ALG5: variants seen among roughly 807,000 people sequenced by gnomAD.
ALG5 encodes the protein dolichyl-phosphate beta-glucosyltransferase.
In ALG5, 26 loss-of-function variants were observed where a neutral mutation model predicts 51.8. The ratio of observed to expected loss-of-function variants is 0.50; its 90% CI spans 0.37 to 0.70. The LOEUF (loss-of-function observed/expected upper bound fraction) is 0.70, where lower values mean the gene tolerates loss of function less well. Ranked by LOEUF, ALG5 falls within the 30% of genes least tolerant of loss-of-function variation. The pLI is 0.00. For synonymous variants in ALG5, 141 were observed against 136.1 expected (o/e 1.04, Z -0.25); for missense variants, 311 against 399.3 (o/e 0.78, Z 1.88).
chr13:36,962,410 C>T (rs2058871690), intron 8 of ALG5, among the ~76,000 whole-genome samples: 1 of 152,110 alleles, frequency 6.6e-6, no homozygotes, highest in South Asian at 2.1e-4. Context: ...CCTTTAGAGG[C>T]ACCAAATAAA....
chr13:36,972,146 A>G, intron 6 of ALG5, 110 bp from the exon 7 acceptor site: 3 of 875,070 alleles, frequency 3.4e-6, no homozygotes. Flanking sequence ...AAAAGTTGAC[A>G]TTAAAAATCT....
intron 5 of ALG5, 63 bp from the exon 6 acceptor site, chr13:36,985,803 T>G: frequency 9.4e-7 from 1 of 1,063,010 alleles, no homozygotes. Flanking sequence ...TCAATGACAC[T>G]TCAGTCTGTT....
intron 1 of ALG5, among the ~76,000 whole-genome samples, chr13:36,998,469 T>G (rs1159174218): frequency 6.6e-6 from 1 of 152,182 alleles, no homozygotes; most frequent in African/African-American, 2.4e-5. Flanking sequence ...CTCCACTTAC[T>G]AACTAGAGGG....
chr13:36,955,995 C>A (rs1161555042), intron 8 of ALG5, among the ~76,000 whole-genome samples: 1 of 152,016 alleles, frequency 6.6e-6, no homozygotes, highest in Non-Finnish European at 1.5e-5. Flanking sequence ...AAAGCAAAAA[C>A]AGACAAATGG....
intron 8 of ALG5, among the ~76,000 whole-genome samples, chr13:36,955,903 G>C (rs2058838011): frequency 6.6e-6 from 1 of 151,942 alleles, no homozygotes; most frequent in Non-Finnish European, 1.5e-5. Context: ...ACTACTAGAA[G>C]AAAACATATG....
chr13:36,981,737 C>A (rs181739025), intron 6 of ALG5, among the ~76,000 whole-genome samples: 1 of 152,132 alleles, frequency 6.6e-6, no homozygotes, highest in Non-Finnish European at 1.5e-5. Context: ...CAAATCCACA[C>A]GAACAGACAC....
chr13:36,999,266 C>G lies in ALG5; in HGVS notation c.35G>C (p.Gly12Ala), dbSNP rs886248536. The G allele has an allele frequency of 1.9e-6, 3 of 1,580,696 alleles. No homozygotes were observed. The African/African-American group carries it at 4.2e-5, about 22-fold the overall frequency. ...APLLLQLAVL[G>A]AALAAAALVL... ...GAGGGCTGCGGCCGCCAGCGCCGCG[C>G]CGAGCACCGCCAGCTGCAACAGAAG... Residue 12 changes from glycine to alanine, a missense_variant, in exon 1 of 10, where the codon GGC (glycine) becomes GCC (alanine). Transcript: ENST00000239891.
At chr13:36,977,815 C>CAAAAAAAAAAAA (rs1196106688) in intron 6 of ALG5, among the ~76,000 whole-genome samples, 1 of 96,726 alleles carries the variant, frequency 1.0e-5, no homozygotes, top group African/African-American at 4.4e-5. Flanking sequence ...AAAAAAAAAA[C>CAAAAAAAAAAAA]AAAAACGGTG....
Position 36,958,938 on chromosome 13 carries a change from T to C in ALG5, c.774-6339A>G, listed in dbSNP as rs577008519. Among the ~76,000 whole-genome samples the C allele has an allele frequency of 2.6e-4, 39 of 152,132 alleles. 1 individual carries two copies. Among genetic ancestry groups the C allele is most frequent in the African/African-American group, 9.4e-4 (39 of 41,504 alleles). On this transcript the variant is annotated intron_variant, in intron 8 of 9. Transcript: ENST00000239891. ...CAACCCCCTTTGGGTCCCCTCCCAT[T>C]GTATGGGAGCTCTGTTTTCACTCTA... is the stretch of plus-strand genomic sequence containing the variant.
chr13:36,978,724 C>A (rs951289275), intron 6 of ALG5, among the ~76,000 whole-genome samples: 1 of 150,978 alleles, frequency 6.6e-6, no homozygotes, highest in African/African-American at 2.4e-5. Context: ...CCAGCCCTGG[C>A]CACCATGGTG....
intron 5 of ALG5, 56 bp from the exon 6 acceptor site, chr13:36,985,796 A>G (rs2058999469): frequency 1.7e-6 from 2 of 1,162,656 alleles, no homozygotes; most frequent in East Asian, 2.3e-5. Context: ...GTTAAATTCA[A>G]TGACACTTCA....
rs549882223 is a variant in ALG5 at position 36,978,877 on chromosome 13, C to T, written c.561+6750G>A. ...GCTGCAGTGAGCTGAGATTGTGCCA[C>T]TGCACTCCAGCCTGGGTGACAGAGT... On this transcript the variant is annotated intron_variant, in intron 6 of 9. Transcript: ENST00000239891. Among the ~76,000 whole-genome samples the T allele has an allele frequency of 1.6e-3, 228 of 144,362 alleles. 1 individual carries two copies. Among genetic ancestry groups the T allele is most frequent in the African/African-American group, 5.8e-3 (221 of 38,290 alleles). The allele number at this position is 144,362 out of a possible 152,430, so 94.7% of individuals were successfully genotyped here. A position where few individuals can be genotyped will look rare whatever the true frequency, so the allele number is the denominator to read the frequency against.
intron 7 of ALG5, among the ~76,000 whole-genome samples, chr13:36,966,177 CAGA>C (rs2058892635): frequency 6.6e-6 from 1 of 152,100 alleles, no homozygotes; most frequent in Non-Finnish European, 1.5e-5. Context: ...AGAATATTGA[CAGA>C]AGATGTATAG....
intron 3 of ALG5, among the ~76,000 whole-genome samples, chr13:36,994,084 T>G (rs558052852): frequency 6.6e-6 from 1 of 152,292 alleles, no homozygotes; most frequent in East Asian, 1.9e-4. Context: ...ACTTAACTTT[T>G]TGGGCCTATT....
chr13:36,985,286 A>G lies in ALG5; in HGVS notation c.561+341T>C, dbSNP rs139979808. Among the ~76,000 whole-genome samples, 234 of 152,254 alleles carry G rather than the reference A, an allele frequency of 1.5e-3. 1 individual carries two copies. Among genetic ancestry groups the G allele is most frequent in the African/African-American group, 5.4e-3 (226 of 41,556 alleles). ...CATCAAAAACTGGATTCTGTGATCC[A>G]GCTTCATTTCACATCTTTACCTGGA... On this transcript the variant is annotated intron_variant, in intron 6 of 9. Transcript: ENST00000239891.
intron 6 of ALG5, 30 bp from the exon 7 acceptor site, chr13:36,972,066 A>G (rs770438406): frequency 1.4e-6 from 2 of 1,466,592 alleles, no homozygotes; most frequent in Non-Finnish European, 1.9e-6. Context: ...TAGTTTTTCA[A>G]TATTTAAATA....
intron 7 of ALG5, among the ~76,000 whole-genome samples, chr13:36,967,222 CAAAAAAAAAAAAAAAGAA>C (rs2058898579): frequency 1.6e-5 from 1 of 64,198 alleles, no homozygotes; most frequent in East Asian, 4.2e-4. Flanking sequence ...GACTCCAACT[CAAAAAAAAAAAAAAAGAA>C]AAAAAGAAAA....
At chr13:36,970,020 TCTA>T (rs1410750183) in intron 7 of ALG5, among the ~76,000 whole-genome samples, 1 of 149,940 alleles carries the variant, frequency 6.7e-6, no homozygotes, top group Non-Finnish European at 1.5e-5. Flanking sequence ...TTTAATAGTT[TCTA>T]CTACAATTTT....
intron 7 of ALG5, among the ~76,000 whole-genome samples, chr13:36,966,321 G>A (rs1432801371): frequency 6.6e-6 from 1 of 152,124 alleles, no homozygotes; most frequent in Non-Finnish European, 1.5e-5. Flanking sequence ...TTAAGATTAA[G>A]TAGGTTTTAA....
Sources: allele counts gnomAD v4.1 joint callset (sites outside exome capture counted in the v4.1 genomes callset), GRCh38; gene constraint gnomAD v4.1.1; transcripts MANE v1.5; gene names NCBI Gene and HGNC (gene_info 2026-07-23, HGNC 2026-07-21).